The following AKAP12 variants were observed in gnomAD, a reference collection of about 807,000 sequenced individuals.
AKAP12 encodes the protein A-kinase anchor protein 12.
A neutral mutation model predicts 79.9 loss-of-function variants in AKAP12; 32 were observed. That is an observed-to-expected ratio of 0.40 (90% CI 0.30 to 0.54). The LOEUF (loss-of-function observed/expected upper bound fraction) is 0.54. Among genes scored for constraint, AKAP12 ranks in the 20% least tolerant of loss-of-function variants. The probability of loss-of-function intolerance (pLI) is 0.48; values close to 1 mark genes in which losing one functional copy is unlikely to be tolerated. For synonymous variants in AKAP12, 808 were observed against 857.0 expected (o/e 0.94, Z 1.00); for missense variants, 2,074 against 2,177.0 (o/e 0.95, Z 0.94).
At chr6:151,332,429 C>T (rs1454146050) in intron 3 of AKAP12, among the ~76,000 whole-genome samples, 1 of 152,134 alleles carries the variant, frequency 6.6e-6, no homozygotes, top group Non-Finnish European at 1.5e-5. Flanking sequence ...TTCTCTACAT[C>T]TTCTTTAAAA....
At position 151,349,128 on chromosome 6, in the gene AKAP12, A is replaced by G. The variant is rs756112250; in HGVS notation, c.737A>G (p.Glu246Gly). 3.1e-6 allele frequency: 5 copies of G among 1,613,860 alleles called. No individual in the cohort carries two copies. In the East Asian group the frequency reaches 1.1e-4, roughly 36 times the overall value. Residue 246 changes from glutamate (E) to glycine (G), a missense_variant, in exon 4 of 5, where the codon GAG becomes GGG. Glu to Gly is a moderately conservative substitution (Grantham distance 98, BLOSUM62 -2). This residue lies in a region of AKAP12 where 1,428 missense variants were observed against 1,451.0 expected (regional missense o/e 0.98). Coordinates refer to ENST00000402676, the MANE Select transcript of AKAP12 (RefSeq NM_005100.4). ...TEKPEETLKR[E>G]QSHAEISPPA... ...AAACCCGAAGAGACCCTGAAGCGTG[A>G]GCAAAGCCACGCAGAAATTTCTCCC...
chr6:151,324,262 TCCCTGTTCCCGC>T (rs1311596565), intron 3 of AKAP12: 1 of 985,260 alleles, frequency 1.0e-6, no homozygotes, highest in East Asian at 1.1e-4. Flanking sequence ...GGCCCATCAT[TCCCTGTTCCCGC>T]CAGGCCGGGT....
intron 3 of AKAP12, among the ~76,000 whole-genome samples, chr6:151,334,517 C>A (rs6933516): frequency 0.39 from 59,561 of 151,232 alleles, 13,583 homozygotes; most frequent in African/African-American, 0.64. Context: ...ATCGCTGGAA[C>A]CCTGGAGGCA....
intron 2 of AKAP12, among the ~76,000 whole-genome samples, chr6:151,268,516 A>G (rs1037380819): frequency 6.6e-6 from 1 of 152,256 alleles, no homozygotes; most frequent in African/African-American, 2.4e-5. Flanking sequence ...TAGATTTAGC[A>G]TGAATCTGTT....
At chr6:151,265,603 AACAT>A (rs1223860627) in intron 2 of AKAP12, among the ~76,000 whole-genome samples, 1 of 152,216 alleles carries the variant, frequency 6.6e-6, no homozygotes, top group Non-Finnish European at 1.5e-5. Flanking sequence ...AAAGAAAATA[AACAT>A]ACAGTATTAT....
rs116460596 is a variant in AKAP12, at chr6:151,271,165, T to A, written c.162+30441T>A. Among the ~76,000 whole-genome samples, 528 of 152,296 alleles carry A rather than the reference T, an allele frequency of 3.5e-3. 3 individuals carry two copies. Among genetic ancestry groups the A allele is most frequent in the African/African-American group, 0.012 (505 of 41,552 alleles). On this transcript the variant is annotated intron_variant, in intron 2 of 4. Coordinates refer to ENST00000402676, the MANE Select transcript of AKAP12 (RefSeq NM_005100.4). ...GTCAGAATCTTTTTGCCATCTTTGC[T>A]TTCTTTCTCCTGTTTGCATCCTTTT...
chr6:151,291,500 C>T (rs979186389), intron 2 of AKAP12, among the ~76,000 whole-genome samples: 1 of 152,156 alleles, frequency 6.6e-6, no homozygotes, highest in Non-Finnish European at 1.5e-5. Flanking sequence ...TTGCCCTAGG[C>T]GAAGTCCCTG....
chr6:151,321,972 G>A lies in AKAP12; in HGVS notation c.319+16069G>A, dbSNP rs182448816. Among the ~76,000 whole-genome samples, 56 of 146,114 alleles carry A rather than the reference G, an allele frequency of 3.8e-4. 1 individual carries two copies. Among genetic ancestry groups the A allele is most frequent in the Non-Finnish European group, 5.9e-4 (40 of 67,280 alleles). On this transcript the variant is annotated intron_variant, in intron 3 of 4. Transcript: ENST00000402676. ...CGCCCAGGCTGGAGTGCAGTGGTGCGATACCATCTTACTGCAACCTCCACC... is the reference window on the plus strand; with the variant it reads ...CGCCCAGGCTGGAGTGCAGTGGTGCAATACCATCTTACTGCAACCTCCACC...
At chr6:151,340,896 G>A (rs1435335673) in intron 3 of AKAP12, among the ~76,000 whole-genome samples, 1 of 152,200 alleles carries the variant, frequency 6.6e-6, no homozygotes, top group Non-Finnish European at 1.5e-5. Flanking sequence ...GATCAGCAGA[G>A]CTGCAAAGAT....
chr6:151,350,783 C>A lies in AKAP12; in HGVS notation c.2392C>A (p.Pro798Thr). 4 of 1,613,928 alleles carry A rather than the reference C, an allele frequency of 2.5e-6. No individual in the cohort carries two copies. The highest frequency in any genetic ancestry group is 3.4e-6 in the Non-Finnish European group (4 of 1,179,940). The change falls in exon 4 of 5, where the codon CCC becomes ACC. Residue 798 changes from proline (P) to threonine (T), a missense_variant. Pro to Thr is a conservative substitution (Grantham distance 38). Coordinates refer to ENST00000402676, the MANE Select transcript of AKAP12 (RefSeq NM_005100.4). This position sits in a 1 kb window ranked among gnomAD's most constrained non-coding sequence, Gnocchi z 4.8. The part of the protein sequence containing the change: ...GVEHSTPDTE[P>T]GKEESWVSIK... ...AGAACATTCCACTCCAGACACTGAA[C>A]CCGGTAAAGAAGAATCCTGGGTCTC...
chr6:151,310,255 C>T (rs1291753208), intron 3 of AKAP12, among the ~76,000 whole-genome samples: 1 of 152,070 alleles, frequency 6.6e-6, no homozygotes, highest in African/African-American at 2.4e-5. Context: ...ATCCCAGCTA[C>T]TCATGAGGCT....
intron 2 of AKAP12, among the ~76,000 whole-genome samples, chr6:151,276,700 A>G (rs1190514839): frequency 6.6e-6 from 1 of 152,214 alleles, no homozygotes; most frequent in Non-Finnish European, 1.5e-5. Context: ...GGGATCCAAG[A>G]CTTGAAGAAA....
Position 151,311,617 on chromosome 6 carries a change from CT to C in AKAP12, c.319+5718del, listed in dbSNP as rs575996623. The stretch of plus-strand genomic sequence containing the variant: ...TTTCTTAACGTTTTACAGGATTCCA[CT>C]TTTCTACATCTGAGTATTTTCCCCC... On this transcript the variant is annotated intron_variant, in intron 3 of 4. Transcript: ENST00000402676. Among the ~76,000 whole-genome samples the C allele has an allele frequency of 5.3e-5, 8 of 152,310 alleles. No individual in the cohort carries two copies. In the East Asian group the frequency reaches 1.5e-3, roughly 29 times the overall value.
At chr6:151,255,906 C>T (rs1324357298) in intron 2 of AKAP12, among the ~76,000 whole-genome samples, 1 of 152,142 alleles carries the variant, frequency 6.6e-6, no homozygotes, top group Non-Finnish European at 1.5e-5. Context: ...AACTTGGGGT[C>T]TTTCTTTGCT....
chr6:151,293,606 G>A (rs1234980112), intron 2 of AKAP12, among the ~76,000 whole-genome samples: 1 of 152,072 alleles, frequency 6.6e-6, no homozygotes, highest in Non-Finnish European at 1.5e-5. Context: ...TAGCTCTAGG[G>A]GTCTGTATTC....
At chr6:151,325,805 CG>C (rs747006325) in intron 3 of AKAP12, 4 of 1,613,458 alleles carry the variant, frequency 2.5e-6, no homozygotes, top group Non-Finnish European at 1.7e-6. Flanking sequence ...AGGCGTCTGC[CG>C]GGGAGGGCAG....
chr6:151,351,780 T>C lies in AKAP12; in HGVS notation c.3389T>C (p.Ile1130Thr), dbSNP rs1778297358. ...AAAGCTCCTCAAGTCACAGAGAGCATAGAGTCCAGTGAGCTTGTAACCACT... is the reference window on the plus strand; with the variant it reads ...AAAGCTCCTCAAGTCACAGAGAGCACAGAGTCCAGTGAGCTTGTAACCACT... ...FEKAPQVTES[I>T]ESSELVTTCQ... The change falls in exon 4 of 5, where the codon ATA becomes ACA. Residue 1130 changes from isoleucine to threonine, a missense_variant. Transcript: ENST00000402676. This position sits in a 1 kb window ranked among gnomAD's most constrained non-coding sequence, Gnocchi z 4.4. 3 of 1,613,832 alleles carry C rather than the reference T, an allele frequency of 1.9e-6. No individual in the cohort carries two copies. Among genetic ancestry groups the C allele is most frequent in the Non-Finnish European group, 2.5e-6 (3 of 1,179,960 alleles).
chr6:151,324,112 C>T (rs1777464635), intron 3 of AKAP12: 1 of 985,278 alleles, frequency 1.0e-6, no homozygotes, highest in Non-Finnish European at 1.2e-6. Context: ...CAGCATTTCA[C>T]ACACACCAGC....
chr6:151,289,598 T>A (rs565086678), intron 2 of AKAP12, among the ~76,000 whole-genome samples: 2 of 152,280 alleles, frequency 1.3e-5, no homozygotes, highest in Admixed American at 6.5e-5. Flanking sequence ...AAGGTCTTGA[T>A]AAGAAGGTTG....
Sources: allele counts gnomAD v4.1 joint callset (sites outside exome capture counted in the v4.1 genomes callset), GRCh38; gene constraint gnomAD v4.1.1; regional missense constraint gnomAD v4.1.1; non-coding constraint Gnocchi (gnomAD v3.1); transcripts MANE v1.5; gene names NCBI Gene and HGNC (gene_info 2026-07-23, HGNC 2026-07-21).